The following RNF17 variants were observed in gnomAD, a reference collection of about 807,000 sequenced individuals.
RNF17 encodes the protein ring finger protein 17, also known as spermatogenesis associated 23.
A neutral mutation model predicts 200.5 loss-of-function variants in RNF17; 31 were observed. The observed-to-expected ratio is 0.15, with a 90% CI of 0.12 to 0.21. RNF17 has a LOEUF of 0.21. Ranked by LOEUF, RNF17 falls within the 10% of genes least tolerant of loss-of-function variation. RNF17 has a pLI of 1.00. For missense variants in RNF17, 1,628 were observed against 1,905.1 expected, an observed-to-expected ratio of 0.85 and a Z score of 2.71; for synonymous variants, 606 against 637.8, an observed-to-expected ratio of 0.95 and a Z score of 0.75.
At chr13:24,850,491 A>G (rs764333275) in intron 23 of RNF17, 48 bp downstream of exon 23, 2 of 1,145,858 alleles carry the variant, frequency 1.7e-6, no homozygotes, top group Non-Finnish European at 2.6e-6. Flanking sequence ...TAATGTTTCC[A>G]TCGATTCCAT....
chr13:24,775,285 G>T (rs900802222), intron 3 of RNF17, among the ~76,000 whole-genome samples: 1 of 152,158 alleles, frequency 6.6e-6, no homozygotes, highest in African/African-American at 2.4e-5. Context: ...GTCTCACTCT[G>T]TCACCCAGGC....
rs373907610 is a variant in RNF17, at chr13:24,861,395, C to T, written c.3894+8C>T. On this transcript the variant is annotated splice_region_variant and intron_variant, in intron 27 of 35. Transcript: ENST00000255324. ...CTCCATAATACCACACCTGTGAGTA[C>T]ATAATAATTTGTGGAATGATTAATT... is the stretch of plus-strand genomic sequence containing the variant. The T allele has an allele frequency of 4.5e-5, 66 of 1,474,364 alleles. No homozygotes were observed. The highest frequency in any genetic ancestry group is 5.6e-5 in the Non-Finnish European group (62 of 1,105,116). The allele number at this position is 1,474,364 out of a possible 1,614,324, so 91.3% of individuals were successfully genotyped here.
At chr13:24,780,146 A>G (rs537440015) in intron 5 of RNF17, among the ~76,000 whole-genome samples, 1 of 152,310 alleles carries the variant, frequency 6.6e-6, no homozygotes, top group South Asian at 2.1e-4. Flanking sequence ...AGCACCTAGC[A>G]ACAAAATTTA....
intron 19 of RNF17, 144 bp downstream of exon 19, chr13:24,842,305 A>G (rs1322251162): frequency 1.2e-5 from 7 of 596,652 alleles, no homozygotes; most frequent in Non-Finnish European, 1.8e-5. Flanking sequence ...GGACCAGAAA[A>G]AATAGAAAAT....
upstream of RNF17, among the ~76,000 whole-genome samples, chr13:24,760,455 A>C (rs562196827): frequency 6.6e-6 from 1 of 152,344 alleles, no homozygotes; most frequent in African/African-American, 2.4e-5. Flanking sequence ...TCATTATCTC[A>C]CATTATATGC....
intron 22 of RNF17, among the ~76,000 whole-genome samples, chr13:24,847,925 G>A (rs146553815): frequency 3.1e-3 from 479 of 152,256 alleles, no homozygotes; most frequent in African/African-American, 0.011. Flanking sequence ...AATTATATCA[G>A]TCCCTTAATT....
the RNF17 span, among the ~76,000 whole-genome samples, chr13:24,755,655 G>A: frequency 1.3e-5 from 2 of 152,084 alleles, no homozygotes; most frequent in Non-Finnish European, 2.9e-5. Flanking sequence ...ATTAGGTTTG[G>A]TTTTATGAAA....
intron 9 of RNF17, 127 bp from the exon 10 acceptor site, chr13:24,792,915 G>A: frequency 1.6e-6 from 1 of 629,706 alleles, no homozygotes; most frequent in Non-Finnish European, 2.7e-6. Flanking sequence ...CAGTGGGTCA[G>A]TGGCTATTGA....
intron 28 of RNF17, 69 bp from the exon 29 acceptor site, chr13:24,864,804 T>C (rs1200220481): frequency 8.8e-7 from 1 of 1,130,922 alleles, no homozygotes; most frequent in Non-Finnish European, 1.3e-6. Context: ...AAATTTGATA[T>C]TTGCTGACTA....
At chr13:24,796,108 A>G in intron 10 of RNF17, 29 bp from the exon 11 acceptor site, 1 of 1,533,356 alleles carries the variant, frequency 6.5e-7, no homozygotes, top group Non-Finnish European at 8.9e-7. Flanking sequence ...CTCATGGTTT[A>G]TTAATGTGAC....
In RNF17 at chr13:24,852,285, G is replaced by C. The variant is rs774604634; in HGVS notation, c.3320+714G>C. Among the ~76,000 whole-genome samples, 17 of 152,060 alleles carry C rather than the reference G, an allele frequency of 1.1e-4. No individual in the cohort carries two copies. The South Asian group carries it at 1.2e-3, about 11-fold the overall frequency. ...TCCTGAGTAGCTGGGACTACAGGTG[G>C]CCGCCACCTCGCCTGGCTAATTTTT... On this transcript the variant is annotated intron_variant, in intron 24 of 35. Coordinates refer to ENST00000255324, the MANE Select transcript of RNF17 (RefSeq NM_031277.3).
intron 3 of RNF17, among the ~76,000 whole-genome samples, chr13:24,775,344 G>A (rs1881410157): frequency 6.6e-6 from 1 of 152,138 alleles, no homozygotes; most frequent in Non-Finnish European, 1.5e-5. Context: ...CAGACTCCTG[G>A]TCTCAAGCTA....
intron 7 of RNF17, among the ~76,000 whole-genome samples, chr13:24,788,565 CAACTCTT>C (rs986598984): frequency 1.3e-5 from 2 of 152,080 alleles, no homozygotes; most frequent in African/African-American, 4.8e-5. Context: ...GTGTGGCTGT[CAACTCTT>C]AACGTTAAAA....
chr13:24,886,421 A>G, the RNF17 span: 1 of 1,217,258 alleles, frequency 8.2e-7, no homozygotes, highest in South Asian at 1.3e-5. Context: ...CACCATGGGA[A>G]ATCACTGATT....
downstream of RNF17, among the ~76,000 whole-genome samples, chr13:24,881,687 G>T (rs886997314): frequency 2.0e-5 from 3 of 148,462 alleles, no homozygotes; most frequent in African/African-American, 7.4e-5. Flanking sequence ...CTAGATTATA[G>T]ATATCTATAT....
the RNF17 span, chr13:24,885,589 TA>T: frequency 6.3e-7 from 1 of 1,578,366 alleles, no homozygotes; most frequent in Non-Finnish European, 8.7e-7. Flanking sequence ...GAAGAATATA[TA>T]AAAACAGAGA....
rs567249529 is a variant in RNF17, at chr13:24,820,157, C to G, written c.2092-5462C>G. On this transcript the variant is annotated intron_variant, in intron 15 of 35. Coordinates refer to ENST00000255324, the MANE Select transcript of RNF17 (RefSeq NM_031277.3). ...TTTTTTTTGAGACAAGAGTCTTGCTCTCTTGCCCAGGCTGGAGGCAGTGGC... is the reference window on the plus strand; with the variant it reads ...TTTTTTTTGAGACAAGAGTCTTGCTGTCTTGCCCAGGCTGGAGGCAGTGGC... Among the ~76,000 whole-genome samples, 177 of 142,278 alleles carry G rather than the reference C, an allele frequency of 1.2e-3. 1 individual carries two copies. Among genetic ancestry groups the G allele is most frequent in the African/African-American group, 4.5e-3 (170 of 37,730 alleles). The allele number at this position is 142,278 out of a possible 152,430, so 93.3% of individuals were successfully genotyped here.
At position 24,870,607 on chromosome 13, in the gene RNF17, C is replaced by G; in HGVS notation, c.4315C>G (p.Gln1439Glu). ...ICLDSIETSN[Q>E]SNQHSDTDDS... ...CCTTGATTCTATAGAAACTTCTAAC[C>G]AGTCTAACCAGCATAGTGACACAGA... The change falls in exon 32 of 36, where the codon CAG becomes GAG. Residue 1439 changes from glutamine to glutamate, a missense_variant. This residue lies in a region of RNF17 where 609 missense variants were observed against 681.9 expected (regional missense o/e 0.89). Coordinates refer to ENST00000255324, the MANE Select transcript of RNF17 (RefSeq NM_031277.3). The G allele has an allele frequency of 1.9e-6, 3 of 1,613,764 alleles. No individual in the cohort carries two copies. Among genetic ancestry groups the G allele is most frequent in the South Asian group, 2.2e-5 (2 of 90,956 alleles).
At chr13:24,852,646 TGG>T (rs1217391903) in intron 24 of RNF17, among the ~76,000 whole-genome samples, 1 of 152,108 alleles carries the variant, frequency 6.6e-6, no homozygotes, top group Non-Finnish European at 1.5e-5. Flanking sequence ...AGGCTAGATA[TGG>T]GAGATGTGGC....
Sources: allele counts gnomAD v4.1 joint callset (sites outside exome capture counted in the v4.1 genomes callset), GRCh38; gene constraint gnomAD v4.1.1; regional missense constraint gnomAD v4.1.1; transcripts MANE v1.5; gene names NCBI Gene and HGNC (gene_info 2026-07-23, HGNC 2026-07-21).